Variants in TCF20 observed in about 807,000 individuals in gnomAD.
TCF20 encodes the protein SPRE-binding protein.
Under a neutral mutation model 148.6 loss-of-function variants are expected in TCF20, and 3 were observed. The observed-to-expected ratio is 0.02, with a 90% CI of 0.01 to 0.05. TCF20 has a LOEUF of 0.05. TCF20 is among the 10% of genes least tolerant of loss of function. The pLI is 1.00. For synonymous variants in TCF20, 1,049 were observed against 909.5 expected (o/e 1.15, Z -2.76); for missense variants, 2,350 against 2,429.3 (o/e 0.97, Z 0.69).
chr22:42,213,286 T>A lies in TCF20; in HGVS notation c.2020A>T (p.Asn674Tyr). The A allele has an allele frequency of 6.2e-7, 1 of 1,614,180 alleles. No individual in the cohort carries two copies. Among genetic ancestry groups the A allele is most frequent in the South Asian group, 1.1e-5 (1 of 91,086 alleles). ...TGGCCATTTCCTTCTCCATTATGGT[T>A]GGAGTTGTTATCGCCATTCTTGTTT... The part of the protein sequence containing the change: ...KGNKNGDNNS[N>Y]HNGEGNGQSG... The change falls in exon 2 of 6, where the codon AAC (asparagine) becomes TAC (tyrosine). Residue 674 changes from asparagine to tyrosine, a missense_variant. Coordinates refer to ENST00000677622, the MANE Select transcript of TCF20 (RefSeq NM_001378418.1).
intron 1 of TCF20, among the ~76,000 whole-genome samples, chr22:42,261,510 A>G (rs1926026502): frequency 6.6e-6 from 1 of 152,126 alleles, no homozygotes; most frequent in African/African-American, 2.4e-5. Context: ...CTATGCCACA[A>G]TCAAACTCAC....
At chr22:42,328,175 C>G (rs1296962150) in intron 1 of TCF20, among the ~76,000 whole-genome samples, 2 of 152,128 alleles carry the variant, frequency 1.3e-5, no homozygotes, top group African/African-American at 4.8e-5. Flanking sequence ...ATGCAGGGGG[C>G]GTGAGCTGCT....
At position 42,307,734 on chromosome 22, in the gene TCF20, C is replaced by T. The variant is rs141144567; in HGVS notation, c.-37+35745G>A. Among the ~76,000 whole-genome samples, 24 of 152,360 alleles carry T rather than the reference C, an allele frequency of 1.6e-4. 1 individual carries two copies. The highest frequency in any genetic ancestry group is 1.2e-3 in the Admixed American group (19 of 15,308). On this transcript the variant is annotated intron_variant, in intron 1 of 1. Transcript: ENST00000515426. ...GGAAGACGAGGCCTCCTGTGCCACT[C>T]ACACCCCTTGGGCTACATGTCTGCA... is the stretch of plus-strand genomic sequence containing the variant.
upstream of TCF20, among the ~76,000 whole-genome samples, chr22:42,287,178 T>C (rs940376874): frequency 6.6e-6 from 1 of 152,142 alleles, no homozygotes; most frequent in Non-Finnish European, 1.5e-5. Context: ...AGAGAGGACA[T>C]GTTGCCTCTA....
chr22:42,336,321 C>G (rs1013112265), intron 1 of TCF20, among the ~76,000 whole-genome samples: 16 of 152,106 alleles, frequency 1.1e-4, no homozygotes, highest in Non-Finnish European at 2.4e-4. Context: ...CTCTCCAGGC[C>G]TCAGGCTGGG....
intron 1 of TCF20, among the ~76,000 whole-genome samples, chr22:42,326,561 G>A (rs1318620783): frequency 6.6e-6 from 1 of 152,228 alleles, no homozygotes; most frequent in Non-Finnish European, 1.5e-5. Context: ...ACAGATGCCA[G>A]GTTCTGGGTA....
chr22:42,270,733 G>A (rs980363911), upstream of TCF20, among the ~76,000 whole-genome samples: 2 of 143,448 alleles, frequency 1.4e-5, no homozygotes, highest in Non-Finnish European at 3.1e-5. Context: ...CGCGCGGCGG[G>A]GCGGGGCGCG....
intron 3 of TCF20, among the ~76,000 whole-genome samples, chr22:42,171,321 T>A (rs1391156900): frequency 6.6e-6 from 1 of 152,176 alleles, no homozygotes; most frequent in Non-Finnish European, 1.5e-5. Context: ...TACTTATCCT[T>A]GTTAAATTTA....
intron 1 of TCF20, among the ~76,000 whole-genome samples, chr22:42,247,389 G>C (rs534089680): frequency 6.8e-6 from 1 of 146,900 alleles, no homozygotes; most frequent in Non-Finnish European, 1.5e-5. Flanking sequence ...GCAGTGAGCC[G>C]AGATGGTGCC....
intron 1 of TCF20, among the ~76,000 whole-genome samples, chr22:42,245,355 A>C (rs1256630197): frequency 6.6e-6 from 1 of 152,070 alleles, no homozygotes; most frequent in Non-Finnish European, 1.5e-5. Flanking sequence ...TGTAGGCGTC[A>C]ACTACTGTGT....
intron 1 of TCF20, among the ~76,000 whole-genome samples, chr22:42,266,466 CAG>C (rs1237740864): frequency 2.6e-5 from 4 of 152,178 alleles, no homozygotes; most frequent in African/African-American, 4.8e-5. Context: ...TTTTATCTTA[CAG>C]AGTTTTAAAA....
intron 2 of TCF20, among the ~76,000 whole-genome samples, chr22:42,187,788 A>G (rs556747082): frequency 6.6e-6 from 1 of 152,234 alleles, no homozygotes; most frequent in South Asian, 2.1e-4. Context: ...TTCATCTACC[A>G]AACAGAGGAT....
At position 42,210,122 on chromosome 22, in the gene TCF20, A is replaced by C; in HGVS notation, c.5184T>G (p.Asp1728Glu). 6.2e-7 allele frequency: 1 copy of C among 1,614,120 alleles called. No individual in the cohort carries two copies. Among genetic ancestry groups the C allele is most frequent in the Non-Finnish European group, 8.5e-7 (1 of 1,180,028 alleles). ...GATTCTTCGGGAGAGTGGCTGCATA[A>C]TCTTGGGGATAAAAAGGTCCAAAGA... ...GDLFGPFYPQDYAATLPKNPP... is the reference protein window; with the variant it reads ...GDLFGPFYPQEYAATLPKNPP... The change falls in exon 2 of 6, where the codon GAT becomes GAG. Residue 1728 changes from aspartate (D) to glutamate (E), a missense_variant. Physicochemically the swap from Asp to Glu is conservative, Grantham distance 45. Around this residue, in one of 7 missense-constraint regions of TCF20, gnomAD observed 374 missense variants for 398.3 expected, o/e 0.94. Coordinates refer to ENST00000677622, the MANE Select transcript of TCF20 (RefSeq NM_001378418.1). This position sits in a 1 kb window ranked among gnomAD's most constrained non-coding sequence, Gnocchi z 4.7.
chr22:42,252,394 A>G (rs1201801253), intron 1 of TCF20, among the ~76,000 whole-genome samples: 1 of 152,180 alleles, frequency 6.6e-6, no homozygotes, highest in Non-Finnish European at 1.5e-5. Flanking sequence ...ACCTACAAAC[A>G]TAAACTTCGG....
At chr22:42,169,665 C>T (rs762822437) in intron 4 of TCF20, among the ~76,000 whole-genome samples, 182 bp downstream of exon 4, 1 of 152,196 alleles carries the variant, frequency 6.6e-6, no homozygotes, top group Non-Finnish European at 1.5e-5. Context: ...GGCCCCCATG[C>T]CACGGGTCTC....
At chr22:42,262,200 C>T (rs2146981067) in intron 1 of TCF20, among the ~76,000 whole-genome samples, 1 of 152,326 alleles carries the variant, frequency 6.6e-6, no homozygotes, top group East Asian at 1.9e-4. Context: ...ACACATACGA[C>T]TCTTGGCCGC....
At chr22:42,332,632 T>C (rs1204072627) in intron 1 of TCF20, among the ~76,000 whole-genome samples, 2 of 152,172 alleles carry the variant, frequency 1.3e-5, no homozygotes, top group Admixed American at 6.5e-5. Context: ...GCCTCCCTGC[T>C]AATTTTTGCA....
intron 1 of TCF20, among the ~76,000 whole-genome samples, chr22:42,247,514 T>C (rs1925022533): frequency 1.3e-5 from 2 of 150,578 alleles, no homozygotes; most frequent in Admixed American, 1.3e-4. Context: ...TAAAGGCACC[T>C]CTGGGGACAC....
intron 5 of TCF20, among the ~76,000 whole-genome samples, chr22:42,166,405 C>G (rs936862680): frequency 6.6e-6 from 1 of 152,180 alleles, no homozygotes; most frequent in African/African-American, 2.4e-5. Context: ...GTCAGGAGTT[C>G]AAGGCCAGCC....
Sources: allele counts gnomAD v4.1 joint callset (sites outside exome capture counted in the v4.1 genomes callset), GRCh38; gene constraint gnomAD v4.1.1; regional missense constraint gnomAD v4.1.1; non-coding constraint Gnocchi (gnomAD v3.1); transcripts MANE v1.5; gene names NCBI Gene and HGNC (gene_info 2026-07-23, HGNC 2026-07-21).